FRMD6: variants seen among roughly 807,000 people sequenced by gnomAD.
FRMD6 encodes the protein FERM domain-containing protein 6.
In FRMD6, 37 loss-of-function variants were observed where a neutral mutation model predicts 73.2. The ratio of observed to expected loss-of-function variants is 0.51; its 90% CI spans 0.39 to 0.66. FRMD6 has a LOEUF of 0.66. Among genes scored for constraint, FRMD6 ranks in the 30% least tolerant of loss-of-function variants. The pLI is 0.00. For synonymous variants in FRMD6, 273 were observed against 282.2 expected, an observed-to-expected ratio of 0.97 and a Z score of 0.33; for missense variants, 714 against 780.5, an observed-to-expected ratio of 0.91 and a Z score of 1.02.
chr14:51,534,728 G>A (rs1021540145), intron 1 of FRMD6, among the ~76,000 whole-genome samples: 11 of 152,180 alleles, frequency 7.2e-5, no homozygotes, highest in African/African-American at 2.7e-4. Context: ...GCTACCACAG[G>A]AAGTCGGGCA....
chr14:51,485,215 C>T (rs1001483747), upstream of FRMD6, among the ~76,000 whole-genome samples: 4 of 152,202 alleles, frequency 2.6e-5, no homozygotes, highest in African/African-American at 4.8e-5. Context: ...GATGCCTCCA[C>T]GGCCTTTGCT....
chr14:51,471,502 A>G, the FRMD6 span, among the ~76,000 whole-genome samples: 6 of 92,422 alleles, frequency 6.5e-5, no homozygotes, highest in African/African-American at 1.2e-4. Context: ...CTCCGTCTCG[A>G]AAAAAAAAAA....
rs560437237 is a variant in FRMD6, at chr14:51,724,462, C to T, written c.1493-1317C>T. Among the ~76,000 whole-genome samples, 40 of 152,308 alleles carry T rather than the reference C, an allele frequency of 2.6e-4. No individual in the cohort carries two copies. In the South Asian group the frequency reaches 8.1e-3, roughly 31 times the overall value. On this transcript the variant is annotated intron_variant, in intron 12 of 13. Coordinates refer to ENST00000344768, the MANE Select transcript of FRMD6 (RefSeq NM_001267046.2). ...TTAATGCTCTTTAGAAGATAAAGAT[C>T]GTTCTAGATCCTCTACTAAAGCCAT...
intron 1 of FRMD6, among the ~76,000 whole-genome samples, chr14:51,566,199 A>G (rs1429481735): frequency 6.6e-6 from 1 of 152,228 alleles, no homozygotes; most frequent in Non-Finnish European, 1.5e-5. Context: ...AAATGTATGC[A>G]TTTAGGATAG....
At chr14:51,565,783 A>G (rs1176095336) in intron 1 of FRMD6, among the ~76,000 whole-genome samples, 1 of 152,196 alleles carries the variant, frequency 6.6e-6, no homozygotes, top group Non-Finnish European at 1.5e-5. Context: ...ATTGGGGCAC[A>G]TTGTGTTGTT....
chr14:51,608,642 A>G (rs1566500255), intron 2 of FRMD6, among the ~76,000 whole-genome samples: 1 of 152,060 alleles, frequency 6.6e-6, no homozygotes, highest in Admixed American at 6.6e-5. Context: ...CCTAGCCTGG[A>G]TCTTCCCTAG....
Position 51,689,868 on chromosome 14 carries a change from T to G in FRMD6, c.32T>G (p.Val11Gly), listed in dbSNP as rs183722241. Reference sequence around the variant, plus strand: ...AAATTGAATTTTCATAACAACAGAGTCATGCAAGACCGCCGCAGTGTGTGC... The same window carrying G: ...AAATTGAATTTTCATAACAACAGAGGCATGCAAGACCGCCGCAGTGTGTGC... Reference protein sequence around the residue: MNKLNFHNNRVMQDRRSVCIF... With the variant: MNKLNFHNNRGMQDRRSVCIF... The change falls in exon 2 of 14, where the codon GTC becomes GGC. Residue 11 changes from valine (V) to glycine (G), a missense_variant. Coordinates refer to ENST00000344768, the MANE Select transcript of FRMD6 (RefSeq NM_001267046.2). The G allele has an allele frequency of 1.2e-6, 2 of 1,613,002 alleles. No individual in the cohort carries two copies. Among genetic ancestry groups the G allele is most frequent in the Non-Finnish European group, 1.7e-6 (2 of 1,179,522 alleles).
At chr14:51,647,151 C>A (rs1230562169), upstream of FRMD6, among the ~76,000 whole-genome samples, 1 of 151,970 alleles carries the variant, frequency 6.6e-6, no homozygotes, top group Non-Finnish European at 1.5e-5. Flanking sequence ...AGTTATTCTA[C>A]TTTTACATAT....
In FRMD6 at chr14:51,729,600, CTATA is replaced by C. The variant is rs1343698587; in HGVS notation, c.*1575_*1578del. The C allele has an allele frequency of 2.0e-5, 3 of 152,464 alleles. No individual in the cohort carries two copies. In the Admixed American group the frequency reaches 2.0e-4, roughly 10 times the overall value. The allele number at this position is 152,464 out of a possible 1,614,324, so 9.4% of individuals were successfully genotyped here. On this transcript the variant is annotated 3_prime_UTR_variant, in exon 14 of 14. Coordinates refer to ENST00000344768, the MANE Select transcript of FRMD6 (RefSeq NM_001267046.2). The stretch of plus-strand genomic sequence containing the variant: ...TATCTGCCCAGTTTTATTAAAAAAA[CTATA>C]TATTATTTTCTAAAGAAACAATCAT...
In FRMD6 at chr14:51,720,252, C is replaced by T. The variant is rs1285803852; in HGVS notation, c.1222C>T (p.Pro408Ser). The change falls in exon 11 of 14, where the codon CCA (proline) becomes TCA (serine). Residue 408 changes from proline (P) to serine (S), a missense_variant. Coordinates refer to ENST00000344768, the MANE Select transcript of FRMD6 (RefSeq NM_001267046.2). ...AGACACCAAGCCCCGGGACACGGGG[C>T]CAGAAGACAGCTACTCCAGCAGTGC... ...EADTKPRDTG[P>S]EDSYSSSAIH... 6.2e-7 allele frequency: 1 copy of T among 1,613,812 alleles called. No homozygotes were observed. Among genetic ancestry groups the T allele is most frequent in the Non-Finnish European group, 8.5e-7 (1 of 1,179,948 alleles).
intron 1 of FRMD6, among the ~76,000 whole-genome samples, chr14:51,680,057 A>C (rs1894692295): frequency 6.6e-6 from 1 of 152,166 alleles, no homozygotes; most frequent in Non-Finnish European, 1.5e-5. Context: ...CAAAGAACAA[A>C]ACTTTGAAAA....
the FRMD6 span, among the ~76,000 whole-genome samples, chr14:51,406,181 T>G: frequency 6.6e-6 from 1 of 152,196 alleles, no homozygotes; most frequent in African/African-American, 2.4e-5. Context: ...GTTCCACTGG[T>G]CTATATCCCT....
At chr14:51,632,551 C>A (rs772852359) in intron 2 of FRMD6, among the ~76,000 whole-genome samples, 1 of 152,098 alleles carries the variant, frequency 6.6e-6, no homozygotes, top group Non-Finnish European at 1.5e-5. Flanking sequence ...GGAAAGATGG[C>A]CCAGAAAAGG....
At chr14:51,675,806 C>T (rs1894350365) in intron 1 of FRMD6, among the ~76,000 whole-genome samples, 1 of 151,912 alleles carries the variant, frequency 6.6e-6, no homozygotes, top group Non-Finnish European at 1.5e-5. Flanking sequence ...CTGTGGGTGT[C>T]CCCACAGCAA....
chr14:51,494,168 G>A lies in FRMD6; in HGVS notation c.-210+4748G>A, dbSNP rs572909255. ...TTCTTTCATGCAAAATACATTCATT[G>A]CATCCCAATAGCGCCAAGAGTCTTA... On this transcript the variant is annotated intron_variant, in intron 1 of 14. Transcript: ENST00000356218. 3.3e-5 allele frequency among the ~76,000 whole-genome samples: 5 copies of A among 152,230 alleles called. No homozygotes were observed. In the South Asian group the frequency reaches 8.3e-4, roughly 25 times the overall value.
intron 1 of FRMD6, among the ~76,000 whole-genome samples, chr14:51,516,344 G>T (rs1196497919): frequency 6.6e-6 from 1 of 152,274 alleles, no homozygotes; most frequent in Non-Finnish European, 1.5e-5. Context: ...GATTAGAGAC[G>T]AGTAGGAGGA....
chr14:51,706,861 T>C (rs977067489), intron 6 of FRMD6, among the ~76,000 whole-genome samples: 5 of 152,194 alleles, frequency 3.3e-5, no homozygotes, highest in African/African-American at 1.2e-4. Flanking sequence ...AGGTACTCAG[T>C]AATTTTTTGT....
the FRMD6 span, among the ~76,000 whole-genome samples, chr14:51,415,344 T>C: frequency 1.8e-4 from 28 of 152,372 alleles, no homozygotes; most frequent in African/African-American, 6.7e-4. Flanking sequence ...ATGCCTATTT[T>C]ATTGAGAATT....
At chr14:51,470,561 G>T in the FRMD6 span, among the ~76,000 whole-genome samples, 12 of 151,368 alleles carry the variant, frequency 7.9e-5, no homozygotes, top group Non-Finnish European at 1.8e-4. Context: ...TCTATCTATT[G>T]TCTGTCTATT....
Sources: allele counts gnomAD v4.1 joint callset (sites outside exome capture counted in the v4.1 genomes callset), GRCh38; gene constraint gnomAD v4.1.1; transcripts MANE v1.5; gene names NCBI Gene and HGNC (gene_info 2026-07-23, HGNC 2026-07-21).